Variants in DRG2 observed in about 807,000 individuals in gnomAD.
DRG2 encodes the protein developmentally-regulated GTP-binding protein 2.
DRG2 carries 36 observed loss-of-function variants against 53.4 expected under a neutral mutation model. The ratio of observed to expected loss-of-function variants is 0.67; its 90% CI spans 0.52 to 0.89. The LOEUF is 0.89. DRG2 is among the 40% of genes least tolerant of loss of function. The pLI is 0.00. For missense variants in DRG2, 342 were observed against 481.2 expected, an observed-to-expected ratio of 0.71 and a Z score of 2.71; for synonymous variants, 167 against 192.1, an observed-to-expected ratio of 0.87 and a Z score of 1.08.
intron 11 of DRG2, chr17:18,106,196 T>C: frequency 1.8e-6 from 1 of 563,160 alleles, no homozygotes; most frequent in Admixed American, 2.9e-5. Context: ...CATTCCTAAC[T>C]ATGCACCACA....
At chr17:18,093,744 G>A in intron 1 of DRG2, 69 bp from the exon 2 acceptor site, 1 of 1,544,466 alleles carries the variant, frequency 6.5e-7, no homozygotes, top group Admixed American at 1.9e-5. Context: ...GGCGACATGT[G>A]GGCCCTGCCT....
intron 12 of DRG2, 138 bp downstream of exon 12, chr17:18,106,624 T>C (rs2045638931): frequency 1.1e-6 from 1 of 926,680 alleles, no homozygotes; most frequent in Non-Finnish European, 1.7e-6. Flanking sequence ...GTGTCTGTCC[T>C]CCATAGAATG....
chr17:18,088,066 G>A lies in DRG2; in HGVS notation c.43G>A (p.Ala15Thr). ...EKISEIEKEI[A>T]RTQKNKATEY... ...GATCTCGGAGATCGAGAAGGAGATC[G>A]CTCGGACACAGAAGAACAAGGGTGA... Residue 15 changes from alanine to threonine, a missense_variant, in exon 1 of 13, where the codon GCT becomes ACT. Transcript: ENST00000225729. 1 of 1,548,390 alleles carries A rather than the reference G, an allele frequency of 6.5e-7. No homozygotes were observed.
chr17:18,098,920 C>T lies in DRG2; in HGVS notation c.316-97C>T. On this transcript the variant is annotated intron_variant, in intron 3 of 12. Coordinates refer to ENST00000225729, the MANE Select transcript of DRG2 (RefSeq NM_001388.5). The surrounding 1 kb of genome is among the most constrained non-coding windows in gnomAD (Gnocchi z 4.1). ...TTGGCATCTGGGTTTCCCTCAGCCC[C>T]TGAGCCCCGGGGCCATTCCAGATGT... The T allele has an allele frequency of 6.9e-7, 1 of 1,439,158 alleles. No homozygotes were observed. The allele number at this position is 1,439,158 out of a possible 1,614,324, so 89.1% of individuals were successfully genotyped here.
chr17:18,106,690 T>G (rs2045642299), intron 12 of DRG2, among the ~76,000 whole-genome samples: 1 of 134,028 alleles, frequency 7.5e-6, no homozygotes, highest in African/African-American at 3.2e-5. Flanking sequence ...TTTTCTGGTT[T>G]TTTTTTTTTT....
chr17:18,106,980 C>T (rs1339215242), intron 12 of DRG2, among the ~76,000 whole-genome samples, 174 bp from the exon 13 acceptor site: 2 of 152,192 alleles, frequency 1.3e-5, no homozygotes, highest in African/African-American at 4.8e-5. Flanking sequence ...TGTGCCTGGC[C>T]CTCCCCAACC....
At position 18,099,521 on chromosome 17, in the gene DRG2, T is replaced by C. The variant is rs1031301035; in HGVS notation, c.377-112T>C. On this transcript the variant is annotated intron_variant, in intron 4 of 12. Transcript: ENST00000225729. This position sits in a 1 kb window ranked among gnomAD's most constrained non-coding sequence, Gnocchi z 4.4. Reference sequence around the variant, plus strand: ...AAGAAAAATGCCAAGCTTGTGCTAGTATGTGGCAGAGGCTGTGGTAGGTCT... The same window carrying C: ...AAGAAAAATGCCAAGCTTGTGCTAGCATGTGGCAGAGGCTGTGGTAGGTCT... The C allele has an allele frequency of 3.7e-6, 4 of 1,067,108 alleles. No individual in the cohort carries two copies. Among genetic ancestry groups the C allele is most frequent in the Non-Finnish European group, 5.7e-6 (4 of 706,726 alleles). 66.1% of individuals were successfully genotyped at this position (1,067,108 alleles called of 1,614,324 possible).
At position 18,098,236 on chromosome 17, in the gene DRG2, G is replaced by T; in HGVS notation, c.226-34G>T. 2 of 1,590,884 alleles carry T rather than the reference G, an allele frequency of 1.3e-6. No homozygotes were observed. On this transcript the variant is annotated intron_variant, in intron 2 of 12. Transcript: ENST00000225729. This position sits in a 1 kb window ranked among gnomAD's most constrained non-coding sequence, Gnocchi z 4.1. ...GCCTCTCCCAGAAGGCCAGGGACAA[G>T]GCTCCTCAGTGCAATGATCTCCTTT...
Position 18,090,390 on chromosome 17 carries a change from ATATATATATATATATATTTTTTT to A in DRG2, c.64+2305_64+2327del, listed in dbSNP as rs1481430729. 9.5e-4 allele frequency among the ~76,000 whole-genome samples: 10 copies of A among 10,526 alleles called. 1 individual carries two copies. The highest frequency in any genetic ancestry group is 6.8e-3 in the African/African-American group (10 of 1,460). 6.9% of individuals were successfully genotyped at this position (10,526 alleles called of 152,430 possible). ...AATTTATATATATATATATATATATATATATATATATATATATTTTTTTTTTTTTTTTTTTTTTTTTTTGAGAT... is the reference window on the plus strand; with the variant it reads ...AATTTATATATATATATATATATATATTTTTTTTTTTTTTTTTTTTGAGAT... On this transcript the variant is annotated intron_variant, in intron 1 of 12. Transcript: ENST00000225729.
chr17:18,094,032 G>A, intron 2 of DRG2, 59 bp downstream of exon 2: 1 of 1,573,558 alleles, frequency 6.4e-7, no homozygotes, highest in Non-Finnish European at 8.7e-7. Flanking sequence ...TTTCAAACAG[G>A]TGACCATCCA....
chr17:18,102,775 C>T (rs1282886845), intron 9 of DRG2, among the ~76,000 whole-genome samples: 1 of 152,140 alleles, frequency 6.6e-6, no homozygotes, highest in Non-Finnish European at 1.5e-5. Flanking sequence ...CTAATGTTCT[C>T]AGGCCCTGGC....
chr17:18,094,974 CAAAAAAAAAA>C (rs1165321853), intron 2 of DRG2, among the ~76,000 whole-genome samples: 20 of 25,318 alleles, frequency 7.9e-4, no homozygotes, highest in South Asian at 6.1e-3. Context: ...AACTCCATCT[CAAAAAAAAAA>C]AAAAAAAAAA....
chr17:18,088,208 G>C (rs952304978), intron 1 of DRG2, 121 bp downstream of exon 1: 3 of 1,283,528 alleles, frequency 2.3e-6, no homozygotes, highest in Non-Finnish European at 3.1e-6. Flanking sequence ...GAAGTTGCCA[G>C]ACAAGTGCCG....
chr17:18,100,639 A>C lies in DRG2; in HGVS notation c.611A>C (p.Gln204Pro). Residue 204 changes from glutamine to proline, a missense_variant, in exon 7 of 13, where the codon CAG (glutamine) becomes CCG (proline). Gln to Pro is a moderately conservative substitution (Grantham distance 76). Transcript: ENST00000225729. The surrounding 1 kb of genome is among the most constrained non-coding windows in gnomAD (Gnocchi z 4.1). The part of the protein sequence containing the change: ...TLTQCSEKLV[Q>P]LILHEYKIFN... ...ACCCAGTGCTCGGAAAAGCTGGTGC[A>C]GCTCATCCTGCACGAATACAGTATC... 1 of 1,614,112 alleles carries C rather than the reference A, an allele frequency of 6.2e-7. No homozygotes were observed. Among genetic ancestry groups the C allele is most frequent in the Non-Finnish European group, 8.5e-7 (1 of 1,180,014 alleles).
chr17:18,095,418 T>C (rs1233012923), intron 2 of DRG2: 1 of 143,884 alleles, frequency 7.0e-6, no homozygotes, highest in Admixed American at 7.1e-5. Context: ...TTTGGAGGTA[T>C]AGTTTCACTC....
intron 12 of DRG2, 38 bp downstream of exon 12, chr17:18,106,524 C>A (rs560481123): frequency 6.2e-7 from 1 of 1,611,432 alleles, no homozygotes; most frequent in South Asian, 1.1e-5. Flanking sequence ...GGGGGTAGAC[C>A]CAGGACAGCC....
chr17:18,104,331 C>T (rs553628743), intron 10 of DRG2, among the ~76,000 whole-genome samples: 37 of 152,352 alleles, frequency 2.4e-4, no homozygotes, highest in Admixed American at 8.5e-4. Flanking sequence ...CATCCCTTTG[C>T]GCCCTGCCCG....
At chr17:18,107,045 AC>A in intron 12 of DRG2, 108 bp from the exon 13 acceptor site, 2 of 999,352 alleles carry the variant, frequency 2.0e-6, no homozygotes, top group Non-Finnish European at 3.1e-6. Flanking sequence ...TGAGGCCCCC[AC>A]CTTATGCCAT....
At position 18,099,094 on chromosome 17, in the gene DRG2, G is replaced by T. The variant is rs2045481590; in HGVS notation, c.376+17G>T. 2.5e-6 allele frequency: 4 copies of T among 1,613,886 alleles called. No individual in the cohort carries two copies. In the East Asian group the frequency reaches 8.9e-5, roughly 36 times the overall value. On this transcript the variant is annotated intron_variant, in intron 4 of 12. Transcript: ENST00000225729. This position sits in a 1 kb window ranked among gnomAD's most constrained non-coding sequence, Gnocchi z 4.4. ...CAGCCCAAGGTGGGAGGCAGGGCAGGTGTGTGGGAAGCAGACTGGAGCTCT... is the reference window on the plus strand; with the variant it reads ...CAGCCCAAGGTGGGAGGCAGGGCAGTTGTGTGGGAAGCAGACTGGAGCTCT...
Sources: allele counts gnomAD v4.1 joint callset (sites outside exome capture counted in the v4.1 genomes callset), GRCh38; gene constraint gnomAD v4.1.1; non-coding constraint Gnocchi (gnomAD v3.1); transcripts MANE v1.5; gene names NCBI Gene and HGNC (gene_info 2026-07-23, HGNC 2026-07-21).